Variants in XPO7 observed in about 807,000 individuals in gnomAD.
The protein encoded by XPO7 is exportin 7.
In XPO7, 21 loss-of-function variants were observed where a neutral mutation model predicts 144.3. The ratio of observed to expected loss-of-function variants is 0.15; its 90% confidence interval spans 0.10 to 0.21. The LOEUF (loss-of-function observed/expected upper bound fraction) is 0.21. Among genes scored for constraint, XPO7 ranks in the 10% least tolerant of loss-of-function variants. The pLI is 1.00. For missense variants in XPO7, 808 were observed against 1,325.8 expected (o/e 0.61, Z 6.06); for synonymous variants, 580 against 499.6 (o/e 1.16, Z -2.15).
At chr8:21,966,354 C>A in intron 1 of XPO7, 1 of 778,168 alleles carries the variant, frequency 1.3e-6, no homozygotes, top group South Asian at 1.4e-5. Flanking sequence ...GAGGTTTTCT[C>A]GTACAGGTGA....
chr8:22,004,450 A>G (rs1314565710), intron 27 of XPO7, among the ~76,000 whole-genome samples: 1 of 152,224 alleles, frequency 6.6e-6, no homozygotes, highest in East Asian at 1.9e-4. Context: ...GGGACTTTCC[A>G]GTAACTGCAT....
At chr8:21,985,964 A>C (rs1223547588) in intron 13 of XPO7, among the ~76,000 whole-genome samples, 1 of 152,224 alleles carries the variant, frequency 6.6e-6, no homozygotes, top group African/African-American at 2.4e-5. Flanking sequence ...ATAGTATCTC[A>C]GAGTTAGTAA....
chr8:21,999,099 A>G lies in XPO7; in HGVS notation c.2437A>G (p.Ile813Val). The G allele has an allele frequency of 6.2e-7, 1 of 1,613,996 alleles. No homozygotes were observed. Among genetic ancestry groups the G allele is most frequent in the Non-Finnish European group, 8.5e-7 (1 of 1,179,890 alleles). Residue 813 changes from isoleucine to valine, a missense_variant, in exon 23 of 28, where the codon ATC becomes GTC. By Grantham distance (29) the Ile-to-Val change is conservative (BLOSUM62 3). Coordinates refer to ENST00000252512, the MANE Select transcript of XPO7 (RefSeq NM_015024.5). The part of the protein sequence containing the change: ...SKMITMYGNR[I>V]LTLGEVPKDQ... The stretch of plus-strand genomic sequence containing the variant: ...ATGACATGTCTACTCAGGCAATCGC[A>G]TCCTGACACTAGGAGAGGTCCCAAA...
Position 21,975,088 on chromosome 8 carries a change from T to C in XPO7, c.597+314T>C, listed in dbSNP as rs547603124. 3.1e-4 allele frequency among the ~76,000 whole-genome samples: 47 copies of C among 152,364 alleles called. No individual in the cohort carries two copies. In the South Asian group the frequency reaches 9.1e-3, roughly 30 times the overall value. ...CTCAGAGTTTGAAGTTGTGTTGTTATTGTTTTTATAACCACATAAAATCTT... is the reference window on the plus strand; with the variant it reads ...CTCAGAGTTTGAAGTTGTGTTGTTACTGTTTTTATAACCACATAAAATCTT... On this transcript the variant is annotated intron_variant, in intron 6 of 27. Coordinates refer to ENST00000252512, the MANE Select transcript of XPO7 (RefSeq NM_015024.5).
At chr8:21,936,168 T>G (rs1810815795) in intron 1 of XPO7, among the ~76,000 whole-genome samples, 1 of 152,188 alleles carries the variant, frequency 6.6e-6, no homozygotes, top group Non-Finnish European at 1.5e-5. Context: ...GGACCACTCT[T>G]GAACCTACTG....
At position 21,974,781 on chromosome 8, in the gene XPO7, A is replaced by T. The variant is rs1299172192; in HGVS notation, c.597+7A>T. ...CTGCAATTTACTAAAACAGGTGAGC[A>T]TGTAGTTTGGGTCATATTTCCCAGT... On this transcript the variant is annotated splice_region_variant and intron_variant, in intron 6 of 27. Coordinates refer to ENST00000252512, the MANE Select transcript of XPO7 (RefSeq NM_015024.5). 1 of 1,550,884 alleles carries T rather than the reference A, an allele frequency of 6.4e-7. No homozygotes were observed. Among genetic ancestry groups the T allele is most frequent in the East Asian group, 2.3e-5 (1 of 42,778 alleles).
At chr8:21,969,957 A>T in intron 3 of XPO7, 187 bp from the exon 4 acceptor site, 1 of 670,026 alleles carries the variant, frequency 1.5e-6, no homozygotes. Flanking sequence ...ATTCTGAATT[A>T]GAACACCTAC....
chr8:21,942,805 A>C (rs1325283996), intron 1 of XPO7, among the ~76,000 whole-genome samples: 1 of 152,268 alleles, frequency 6.6e-6, no homozygotes, highest in Non-Finnish European at 1.5e-5. Flanking sequence ...AGACAATGTC[A>C]CAAGATGTGT....
intron 9 of XPO7, among the ~76,000 whole-genome samples, chr8:21,981,289 ACTAT>A (rs1240840534): frequency 6.6e-6 from 1 of 152,236 alleles, no homozygotes; most frequent in African/African-American, 2.4e-5. Context: ...AACTTTGCTA[ACTAT>A]CGGTTAGTTG....
intron 1 of XPO7, among the ~76,000 whole-genome samples, chr8:21,931,272 C>T (rs1810639952): frequency 6.6e-6 from 1 of 152,046 alleles, no homozygotes; most frequent in South Asian, 2.1e-4. Flanking sequence ...AAGTGATTCT[C>T]CTGCCTCAGC....
At chr8:21,982,914 C>T in intron 11 of XPO7, 102 bp downstream of exon 11, 1 of 1,376,160 alleles carries the variant, frequency 7.3e-7, no homozygotes, top group Non-Finnish European at 9.8e-7. Flanking sequence ...AAGCGTGTCT[C>T]ATTGGAGCCA....
chr8:21,990,879 C>T lies in XPO7; in HGVS notation c.2001C>T (p.Thr667=), dbSNP rs1359084312. The change falls in exon 18 of 28, where the codon ACC becomes ACT. Residue 667 remains threonine (T), a synonymous_variant. Coordinates refer to ENST00000252512, the MANE Select transcript of XPO7 (RefSeq NM_015024.5). The part of the protein sequence containing the change: ...SNLTDMRCRT[T]FYTALGRLLM... ...TGACAGACATGCGGTGTCGGACTAC[C>T]TTCTACACAGCACTTGGGCGTCTCC... The T allele has an allele frequency of 2.5e-6, 4 of 1,613,962 alleles. No individual in the cohort carries two copies. In the South Asian group the frequency reaches 3.3e-5, roughly 13 times the overall value.
chr8:21,962,602 C>T (rs1041960673), intron 1 of XPO7, among the ~76,000 whole-genome samples: 1 of 152,076 alleles, frequency 6.6e-6, no homozygotes, highest in Non-Finnish European at 1.5e-5. Context: ...TTTCTGCTTA[C>T]AGAGGAATAT....
chr8:21,933,008 A>G (rs148194033), intron 1 of XPO7, among the ~76,000 whole-genome samples: 91 of 151,830 alleles, frequency 6.0e-4, no homozygotes, highest in Middle Eastern at 3.4e-3. Flanking sequence ...CATGTGGTAT[A>G]TGGTAGTATT....
At chr8:21,994,262 T>A in intron 19 of XPO7, 101 bp from the exon 20 acceptor site, 1 of 799,130 alleles carries the variant, frequency 1.3e-6, no homozygotes, top group Non-Finnish European at 2.1e-6. Context: ...TATGTTGAAC[T>A]GTGAGAGAAA....
At chr8:21,990,445 AC>A (rs761338647) in intron 17 of XPO7, 38 bp downstream of exon 17, 9 of 1,604,922 alleles carry the variant, frequency 5.6e-6, no homozygotes, top group Middle Eastern at 3.3e-4. Context: ...CCCTCCTACC[AC>A]CCACACATAC....
At chr8:21,955,206 C>T (rs1288331503) in intron 1 of XPO7, among the ~76,000 whole-genome samples, 1 of 139,676 alleles carries the variant, frequency 7.2e-6, no homozygotes, top group Non-Finnish European at 1.6e-5. Flanking sequence ...TTAATATTGT[C>T]CATGCAGAAT....
chr8:21,970,627 G>T (rs1477997371), intron 4 of XPO7, among the ~76,000 whole-genome samples: 1 of 152,122 alleles, frequency 6.6e-6, no homozygotes, highest in African/African-American at 2.4e-5. Context: ...TAATACTTCA[G>T]TGAATAGCCC....
At chr8:21,934,779 A>C (rs1482765513) in intron 1 of XPO7, among the ~76,000 whole-genome samples, 1 of 152,220 alleles carries the variant, frequency 6.6e-6, no homozygotes, top group African/African-American at 2.4e-5. Context: ...GCAGGCATTC[A>C]AGCCAGATTT....
Sources: allele counts gnomAD v4.1 joint callset (sites outside exome capture counted in the v4.1 genomes callset), GRCh38; gene constraint gnomAD v4.1.1; transcripts MANE v1.5; gene names NCBI Gene and HGNC (gene_info 2026-07-23, HGNC 2026-07-21).